Variants in NCEH1 observed in about 807,000 individuals in gnomAD.
The protein encoded by NCEH1 is 2-acetyl MAGE hydrolase.
A neutral mutation model predicts 25.4 loss-of-function variants in NCEH1; 9 were observed. The observed-to-expected ratio is 0.35, with a 90% CI of 0.21 to 0.62. The LOEUF is 0.62. Ranked by LOEUF, NCEH1 falls within the 20% of genes least tolerant of loss-of-function variation. NCEH1 has a pLI of 0.72. For synonymous variants in NCEH1, 200 were observed against 199.8 expected (o/e 1.00, Z -0.01); for missense variants, 412 against 501.1 (o/e 0.82, Z 1.70).
intron 1 of NCEH1, among the ~76,000 whole-genome samples, chr3:172,704,337 T>C (rs527502844): frequency 6.6e-6 from 1 of 152,344 alleles, no homozygotes; most frequent in East Asian, 1.9e-4. Context: ...TTCTTTTACA[T>C]TGTGTCACTG....
intron 3 of NCEH1, among the ~76,000 whole-genome samples, chr3:172,642,109 T>C (rs886358984): frequency 6.6e-6 from 1 of 152,130 alleles, no homozygotes; most frequent in African/African-American, 2.4e-5. Flanking sequence ...ATTTATGGAA[T>C]AAAAGAAAGA....
intron 1 of NCEH1, among the ~76,000 whole-genome samples, chr3:172,695,204 A>C (rs569086478): frequency 6.6e-6 from 1 of 152,332 alleles, no homozygotes; most frequent in African/African-American, 2.4e-5. Flanking sequence ...TTTGTTGAGG[A>C]AAATATCAAC....
At chr3:172,653,762 T>G (rs1269855969) in intron 1 of NCEH1, among the ~76,000 whole-genome samples, 2 of 72,142 alleles carry the variant, frequency 2.8e-5, no homozygotes, top group South Asian at 4.6e-4. Flanking sequence ...GTTTTTTTGT[T>G]TTTTTTTTTT....
chr3:172,656,418 T>C (rs1468074395), intron 1 of NCEH1, among the ~76,000 whole-genome samples: 1 of 152,180 alleles, frequency 6.6e-6, no homozygotes, highest in Non-Finnish European at 1.5e-5. Flanking sequence ...AAGATATATC[T>C]CTAAATAGAA....
intron 1 of NCEH1, among the ~76,000 whole-genome samples, chr3:172,705,458 G>A (rs993335203): frequency 6.6e-6 from 1 of 152,238 alleles, no homozygotes; most frequent in Non-Finnish European, 1.5e-5. Flanking sequence ...GAGGCCCTGA[G>A]TTTTGGGTTA....
intron 1 of NCEH1, among the ~76,000 whole-genome samples, chr3:172,697,208 C>T (rs757753521): frequency 1.3e-5 from 2 of 151,968 alleles, no homozygotes; most frequent in Non-Finnish European, 2.9e-5. Context: ...GGGTAACGGG[C>T]GTGAGCCACA....
chr3:172,653,681 G>C (rs995694608), intron 1 of NCEH1, among the ~76,000 whole-genome samples: 8 of 151,898 alleles, frequency 5.3e-5, no homozygotes, highest in African/African-American at 1.7e-4. Context: ...AAAAGGGCTG[G>C]AACTAAGGTG....
In NCEH1 at chr3:172,676,747, G is replaced by C. The variant is rs371614394; in HGVS notation, c.139-28633C>G. On this transcript the variant is annotated intron_variant, in intron 1 of 4. Coordinates refer to ENST00000475381, the MANE Select transcript of NCEH1 (RefSeq NM_020792.6). ...AAACTGGCGCGAGACCAAGGACCCT[G>C]GTGTTCCTTCAGTCATCGGAGCCAT... Among the ~76,000 whole-genome samples the C allele has an allele frequency of 3.3e-3, 495 of 152,186 alleles. 1 individual carries two copies. The highest frequency in any genetic ancestry group is 0.01 in the Middle Eastern group (3 of 294).
intron 1 of NCEH1, among the ~76,000 whole-genome samples, chr3:172,699,526 C>A (rs141349465): frequency 6.6e-6 from 1 of 152,130 alleles, no homozygotes; most frequent in African/African-American, 2.4e-5. Context: ...ATAAATGCAG[C>A]CTGAGCATCC....
intron 3 of NCEH1, among the ~76,000 whole-genome samples, chr3:172,636,378 T>C (rs1430191897): frequency 6.9e-6 from 1 of 145,596 alleles, no homozygotes; most frequent in African/African-American, 2.5e-5. Context: ...AAAATAAAAC[T>C]AACAAGTAAA....
chr3:172,676,589 G>A (rs1290855947), intron 1 of NCEH1, among the ~76,000 whole-genome samples: 2 of 152,018 alleles, frequency 1.3e-5, no homozygotes, highest in Admixed American at 1.3e-4. Flanking sequence ...GCCACACACG[G>A]GGTTTCTCGT....
intron 1 of NCEH1, among the ~76,000 whole-genome samples, chr3:172,708,841 AC>A (rs1714149077): frequency 6.6e-6 from 1 of 152,164 alleles, no homozygotes; most frequent in African/African-American, 2.4e-5. Context: ...ACATTACTAA[AC>A]CTTATAGCAA....
chr3:172,665,131 C>T (rs1718147329), intron 1 of NCEH1, among the ~76,000 whole-genome samples: 1 of 152,302 alleles, frequency 6.6e-6, no homozygotes. Context: ...TGGTGACCTA[C>T]AGATGGGGTT....
At chr3:172,689,581 G>C (rs1238606317) in intron 1 of NCEH1, among the ~76,000 whole-genome samples, 3 of 139,374 alleles carry the variant, frequency 2.2e-5, no homozygotes, top group Non-Finnish European at 4.7e-5. Flanking sequence ...GTGATGGCAC[G>C]AGCCTGTAAT....
intron 1 of NCEH1, among the ~76,000 whole-genome samples, chr3:172,678,960 A>C (rs1047658835): frequency 6.6e-6 from 1 of 152,234 alleles, no homozygotes; most frequent in South Asian, 2.1e-4. Flanking sequence ...AAGTTTTGCC[A>C]CAAGAGTACA....
intron 1 of NCEH1, among the ~76,000 whole-genome samples, chr3:172,667,586 G>T (rs1476210184): frequency 6.6e-6 from 1 of 152,176 alleles, no homozygotes; most frequent in Non-Finnish European, 1.5e-5. Flanking sequence ...TATTTAACTT[G>T]GTGGCAGAAC....
intron 1 of NCEH1, among the ~76,000 whole-genome samples, chr3:172,648,826 G>A (rs967650923): frequency 6.6e-6 from 1 of 152,120 alleles, no homozygotes; most frequent in Non-Finnish European, 1.5e-5. Flanking sequence ...TCTGCATTAA[G>A]TGTTCGCAGA....
At chr3:172,703,969 G>A (rs1048250422) in intron 1 of NCEH1, among the ~76,000 whole-genome samples, 4 of 152,362 alleles carry the variant, frequency 2.6e-5, no homozygotes, top group African/African-American at 9.6e-5. Context: ...ATTGTGGTTA[G>A]TGAAGTTACT....
chr3:172,691,335 T>C (rs1271715558), intron 1 of NCEH1, among the ~76,000 whole-genome samples: 1 of 82,412 alleles, frequency 1.2e-5, no homozygotes, highest in Non-Finnish European at 2.4e-5. Context: ...TTAAAACTTG[T>C]TGCATTATCA....
Sources: allele counts gnomAD v4.1 joint callset (sites outside exome capture counted in the v4.1 genomes callset), GRCh38; gene constraint gnomAD v4.1.1; transcripts MANE v1.5; gene names NCBI Gene and HGNC (gene_info 2026-07-23, HGNC 2026-07-21).